The following DOCK4 variants were observed in gnomAD, a reference collection of about 807,000 sequenced individuals.
The protein encoded by DOCK4 is dedicator of cytokinesis 4, also known as dedicator of cytokinesis protein 4.
A neutral mutation model predicts 268.1 loss-of-function variants in DOCK4; 97 were observed. That is an observed-to-expected ratio of 0.36 (90% CI 0.31 to 0.43). The LOEUF (loss-of-function observed/expected upper bound fraction) is 0.43. DOCK4 is among the 20% of genes least tolerant of loss of function. The probability of loss-of-function intolerance (pLI) is 1.00; values close to 1 mark genes in which losing one functional copy is unlikely to be tolerated. For missense variants in DOCK4, 2,145 were observed against 2,455.7 expected (o/e 0.87, Z 2.67); for synonymous variants, 954 against 887.2 (o/e 1.08, Z -1.34).
At chr7:112,099,861 G>A (rs1272617012) in intron 1 of DOCK4, among the ~76,000 whole-genome samples, 1 of 152,130 alleles carries the variant, frequency 6.6e-6, no homozygotes, top group Non-Finnish European at 1.5e-5. Flanking sequence ...ATAACTGTAA[G>A]TAGACTATAA....
intron 1 of DOCK4, among the ~76,000 whole-genome samples, chr7:112,155,594 T>G (rs1476445737): frequency 6.6e-6 from 1 of 152,232 alleles, no homozygotes; most frequent in African/African-American, 2.4e-5. Context: ...ATTATGGTTC[T>G]GCTGCAATCA....
At chr7:111,733,061 C>G (rs1192323165) in intron 51 of DOCK4, among the ~76,000 whole-genome samples, 1 of 152,204 alleles carries the variant, frequency 6.6e-6, no homozygotes, top group Non-Finnish European at 1.5e-5. Flanking sequence ...GCTGGCGTGA[C>G]ACAGTCAACA....
At chr7:111,830,662 C>A (rs1165180403) in intron 26 of DOCK4, among the ~76,000 whole-genome samples, 3 of 152,124 alleles carry the variant, frequency 2.0e-5, no homozygotes, top group Admixed American at 2.0e-4. Context: ...CCCTCTCCAC[C>A]AGCTGTAATC....
intron 32 of DOCK4, among the ~76,000 whole-genome samples, chr7:111,787,332 T>C (rs1468672194): frequency 1.3e-5 from 2 of 152,194 alleles, no homozygotes; most frequent in Non-Finnish European, 2.9e-5. Context: ...TTATACTGCA[T>C]GAGATTTTAA....
chr7:112,191,782 C>T (rs6944498), intron 1 of DOCK4, among the ~76,000 whole-genome samples: 1 of 151,854 alleles, frequency 6.6e-6, no homozygotes, highest in Non-Finnish European at 1.5e-5. Flanking sequence ...CTCTCTAGGT[C>T]TGCTGTAAGG....
At chr7:111,799,785 T>A (rs1415895586) in intron 30 of DOCK4, among the ~76,000 whole-genome samples, 1 of 152,204 alleles carries the variant, frequency 6.6e-6, no homozygotes, top group East Asian at 1.9e-4. Flanking sequence ...TAATTATACA[T>A]GGGATTGCAT....
intron 12 of DOCK4, among the ~76,000 whole-genome samples, chr7:111,928,655 T>C (rs376950264): frequency 1.1e-3 from 160 of 151,712 alleles, no homozygotes; most frequent in African/African-American, 3.8e-3. Context: ...TGGCACAATC[T>C]TGGCTCACTG....
At chr7:112,151,998 G>A (rs1280393609) in intron 1 of DOCK4, among the ~76,000 whole-genome samples, 1 of 149,060 alleles carries the variant, frequency 6.7e-6, no homozygotes, top group East Asian at 1.9e-4. Flanking sequence ...GCTAATTGAA[G>A]CTAATATGCA....
intron 30 of DOCK4, among the ~76,000 whole-genome samples, chr7:111,802,684 T>TA (rs1000695256): frequency 5.3e-5 from 8 of 152,086 alleles, no homozygotes; most frequent in East Asian, 1.9e-4. Flanking sequence ...TTGAATCTCT[T>TA]AAAAAAAATC....
intron 17 of DOCK4, among the ~76,000 whole-genome samples, chr7:111,874,387 G>C (rs929247155): frequency 6.6e-6 from 1 of 152,104 alleles, no homozygotes; most frequent in Non-Finnish European, 1.5e-5. Context: ...CATTTAAGTA[G>C]GGCTGGAAAA....
chr7:112,087,814 T>C (rs945079598), intron 1 of DOCK4, among the ~76,000 whole-genome samples: 2 of 152,048 alleles, frequency 1.3e-5, no homozygotes, highest in African/African-American at 2.4e-5. Context: ...TTGGGACCAT[T>C]TGTCAATTAT....
chr7:111,799,885 G>A (rs1372168733), intron 30 of DOCK4, among the ~76,000 whole-genome samples: 1 of 152,102 alleles, frequency 6.6e-6, no homozygotes, highest in Non-Finnish European at 1.5e-5. Context: ...CCACTCTTGT[G>A]GAAACTGTTA....
At chr7:111,896,761 G>A (rs1808793280) in intron 15 of DOCK4, among the ~76,000 whole-genome samples, 1 of 152,076 alleles carries the variant, frequency 6.6e-6, no homozygotes, top group Non-Finnish European at 1.5e-5. Flanking sequence ...AATTGCTCCA[G>A]GCATTTAAGC....
At position 111,800,407 on chromosome 7, in the gene DOCK4, T is replaced by C. The variant is rs971200536; in HGVS notation, c.3166+8414A>G. On this transcript the variant is annotated intron_variant, in intron 30 of 52. Transcript: ENST00000428084. ...TCTCTCCCGATCATATTGCAAGTTA[T>C]AAAAATAGCCTAAGCCTAAAATTCC... Among the ~76,000 whole-genome samples the C allele has an allele frequency of 3.3e-5, 5 of 152,324 alleles. No homozygotes were observed. In the East Asian group the frequency reaches 9.6e-4, roughly 29 times the overall value.
At chr7:112,200,127 T>C (rs1329195511) in intron 1 of DOCK4, among the ~76,000 whole-genome samples, 1 of 152,218 alleles carries the variant, frequency 6.6e-6, no homozygotes. Context: ...CCTTCTGGTA[T>C]CACAAATGTA....
intron 1 of DOCK4, among the ~76,000 whole-genome samples, chr7:112,010,173 G>C (rs1203082812): frequency 6.6e-6 from 1 of 152,090 alleles, no homozygotes; most frequent in South Asian, 2.1e-4. Flanking sequence ...AACTATGATG[G>C]AAAAGGAAAA....
chr7:111,845,431 G>A (rs1236755400), intron 24 of DOCK4, among the ~76,000 whole-genome samples: 2 of 152,192 alleles, frequency 1.3e-5, no homozygotes, highest in East Asian at 1.9e-4. Flanking sequence ...CTTAGCTACA[G>A]AGTGGATCTA....
chr7:112,010,954 T>C (rs757974711), intron 1 of DOCK4, among the ~76,000 whole-genome samples: 2 of 152,234 alleles, frequency 1.3e-5, no homozygotes, highest in East Asian at 3.8e-4. Context: ...TGGTAGGTAC[T>C]GTGATGCCCC....
At chr7:111,945,946 C>G in intron 8 of DOCK4, 148 bp from the exon 9 acceptor site, 1 of 609,888 alleles carries the variant, frequency 1.6e-6, no homozygotes. Context: ...AGGAGAGCTC[C>G]GAAGACAACA....
Sources: allele counts gnomAD v4.1 joint callset (sites outside exome capture counted in the v4.1 genomes callset), GRCh38; gene constraint gnomAD v4.1.1; transcripts MANE v1.5; gene names NCBI Gene and HGNC (gene_info 2026-07-23, HGNC 2026-07-21).